The following RORA variants were observed in gnomAD, a reference collection of about 807,000 sequenced individuals.
RORA encodes nuclear receptor ROR-alpha.
In RORA, 7 loss-of-function variants were observed where a neutral mutation model predicts 69.5. That is an observed-to-expected ratio of 0.10 (90% CI 0.06 to 0.19). RORA has a LOEUF of 0.19. Ranked by LOEUF, RORA falls within the 10% of genes least tolerant of loss-of-function variation. The pLI is 1.00. For synonymous variants in RORA, 261 were observed against 240.8 expected (o/e 1.08, Z -0.78); for missense variants, 457 against 663.0 (o/e 0.69, Z 3.41).
At chr15:61,074,100 C>CT (rs1455668046) in intron 1 of RORA, among the ~76,000 whole-genome samples, 1 of 152,172 alleles carries the variant, frequency 6.6e-6, no homozygotes, top group Non-Finnish European at 1.5e-5. Context: ...ACAGGGTGTG[C>CT]TTGCTATTAT....
intron 2 of RORA, among the ~76,000 whole-genome samples, chr15:60,634,033 G>C (rs754172985): frequency 6.6e-6 from 1 of 152,092 alleles, no homozygotes; most frequent in African/African-American, 2.4e-5. Context: ...TTGAAGCAAA[G>C]AATTAAATAT....
intron 1 of RORA, among the ~76,000 whole-genome samples, chr15:60,922,004 T>A (rs1041038808): frequency 2.0e-5 from 3 of 152,228 alleles, no homozygotes; most frequent in African/African-American, 7.2e-5. Flanking sequence ...ATTATCAGCC[T>A]ATGGCCAATT....
intron 1 of RORA, among the ~76,000 whole-genome samples, chr15:61,074,629 A>G (rs945184669): frequency 9.9e-5 from 15 of 152,224 alleles, no homozygotes; most frequent in African/African-American, 3.6e-4. Flanking sequence ...TAATTTTTAA[A>G]AAATCATTAT....
intron 1 of RORA, among the ~76,000 whole-genome samples, chr15:61,042,131 T>C (rs1351741988): frequency 6.6e-6 from 1 of 152,242 alleles, no homozygotes; most frequent in East Asian, 1.9e-4. Flanking sequence ...ACTTTGATTT[T>C]ATGTTTCTAG....
At chr15:61,000,878 G>C (rs1160021154) in intron 1 of RORA, among the ~76,000 whole-genome samples, 1 of 152,116 alleles carries the variant, frequency 6.6e-6, no homozygotes, top group Non-Finnish European at 1.5e-5. Context: ...GGACACCTGA[G>C]ATAAGCATCT....
chr15:60,838,152 C>T (rs939314766), intron 1 of RORA, among the ~76,000 whole-genome samples: 8 of 152,096 alleles, frequency 5.3e-5, no homozygotes, highest in Non-Finnish European at 1.2e-4. Context: ...GCTGTGTTCC[C>T]TACCCCCTTA....
At chr15:60,587,981 G>T (rs750935825) in intron 2 of RORA, among the ~76,000 whole-genome samples, 1 of 152,162 alleles carries the variant, frequency 6.6e-6, no homozygotes, top group African/African-American at 2.4e-5. Flanking sequence ...CTGACGGATA[G>T]AAAAAGCTCT....
intron 1 of RORA, among the ~76,000 whole-genome samples, chr15:60,945,319 C>T (rs994047098): frequency 9.2e-5 from 14 of 152,160 alleles, no homozygotes; most frequent in African/African-American, 3.4e-4. Context: ...GCTGATATCT[C>T]TGGGGACAAG....
At chr15:61,002,802 G>A (rs2140382309) in intron 1 of RORA, among the ~76,000 whole-genome samples, 1 of 152,168 alleles carries the variant, frequency 6.6e-6, no homozygotes, top group South Asian at 2.1e-4. Flanking sequence ...GCTTACCAGT[G>A]TCACAGAACT....
chr15:61,180,112 C>T (rs1261540704), intron 1 of RORA, among the ~76,000 whole-genome samples: 1 of 131,022 alleles, frequency 7.6e-6, no homozygotes, highest in Middle Eastern at 5.2e-3. Flanking sequence ...CCACTGCACT[C>T]GAGCCTGGGC....
intron 1 of RORA, among the ~76,000 whole-genome samples, chr15:60,711,614 C>T (rs529050045): frequency 6.6e-6 from 1 of 152,144 alleles, no homozygotes; most frequent in Non-Finnish European, 1.5e-5. Context: ...TGAGGGTCTC[C>T]TTCCTCTGTC....
chr15:60,788,115 G>A (rs1026185363), intron 1 of RORA, among the ~76,000 whole-genome samples: 10 of 152,258 alleles, frequency 6.6e-5, no homozygotes, highest in African/African-American at 2.4e-4. Context: ...AGAAGCTTCG[G>A]TGGGGATGTG....
At chr15:60,812,682 A>G (rs184177545) in intron 1 of RORA, among the ~76,000 whole-genome samples, 1 of 152,326 alleles carries the variant, frequency 6.6e-6, no homozygotes, top group Non-Finnish European at 1.5e-5. Context: ...AGGAGACCAG[A>G]GACACTCCCT....
chr15:60,536,451 C>G (rs1188223683), intron 2 of RORA, among the ~76,000 whole-genome samples: 2 of 152,214 alleles, frequency 1.3e-5, no homozygotes, highest in African/African-American at 4.8e-5. Context: ...ACAGGCAGTT[C>G]CTACCAGCTA....
chr15:61,073,082 T>A (rs977994757), intron 1 of RORA, among the ~76,000 whole-genome samples: 7 of 152,196 alleles, frequency 4.6e-5, no homozygotes, highest in Middle Eastern at 3.2e-3. Flanking sequence ...TTCTTAACTC[T>A]CTGTAGAAAA....
rs370000055 is a variant in RORA at position 60,788,264 on chromosome 15, A to C, written c.167-109578T>G. 1.2e-4 allele frequency among the ~76,000 whole-genome samples: 18 copies of C among 152,340 alleles called. No homozygotes were observed. The East Asian group carries it at 1.9e-3, about 16-fold the overall frequency. On this transcript the variant is annotated intron_variant, in intron 1 of 10. Transcript: ENST00000335670. ...GTTGCACCAGGGTCCCTGATGATGC[A>C]CAAGACACATCTCTGACCTCAAGGA... is the stretch of plus-strand genomic sequence containing the variant.
At chr15:60,834,221 G>A (rs2073084960) in intron 1 of RORA, among the ~76,000 whole-genome samples, 1 of 152,194 alleles carries the variant, frequency 6.6e-6, no homozygotes, top group Admixed American at 6.5e-5. Flanking sequence ...ATGTCAAACT[G>A]AGGTCTCAAA....
At chr15:61,111,262 G>A (rs1316249882) in intron 1 of RORA, among the ~76,000 whole-genome samples, 3 of 152,204 alleles carry the variant, frequency 2.0e-5, no homozygotes, top group Admixed American at 2.0e-4. Context: ...TAGTTCTAGA[G>A]GAGGTAGGGC....
At chr15:60,814,886 C>A (rs1261628439) in intron 1 of RORA, among the ~76,000 whole-genome samples, 2 of 152,170 alleles carry the variant, frequency 1.3e-5, no homozygotes, top group Admixed American at 1.3e-4. Flanking sequence ...CCAGCCCGTC[C>A]TCAACCCTGG....
Sources: allele counts gnomAD v4.1 joint callset (sites outside exome capture counted in the v4.1 genomes callset), GRCh38; gene constraint gnomAD v4.1.1; transcripts MANE v1.5; gene names NCBI Gene and HGNC (gene_info 2026-07-23, HGNC 2026-07-21).